The following EPS15 variants were observed in gnomAD, a reference collection of about 807,000 sequenced individuals.
The protein encoded by EPS15 is epidermal growth factor receptor pathway substrate 15.
Under a neutral mutation model 113.8 loss-of-function variants are expected in EPS15, and 72 were observed. The observed-to-expected ratio is 0.63, with a 90% CI of 0.52 to 0.77. EPS15 has a LOEUF of 0.77. Ranked by LOEUF, EPS15 falls within the 30% of genes least tolerant of loss-of-function variation. The pLI is 0.00. For synonymous variants in EPS15, 344 were observed against 363.4 expected, an observed-to-expected ratio of 0.95 and a Z score of 0.61; for missense variants, 1,048 against 1,045.8, an observed-to-expected ratio of 1.00 and a Z score of -0.03.
intron 21 of EPS15, among the ~76,000 whole-genome samples, chr1:51,383,420 T>C (rs917864769): frequency 5.3e-5 from 8 of 152,142 alleles, no homozygotes; most frequent in Middle Eastern, 3.2e-3. Context: ...TGGAAGACAA[T>C]TTTTTTAGGA....
In EPS15 at chr1:51,398,961, T is replaced by G. The variant is rs372939796; in HGVS notation, c.2052+71A>C. The G allele has an allele frequency of 4.0e-4, 532 of 1,323,660 alleles. 4 individuals carry two copies. The South Asian group carries it at 4.1e-3, about 10-fold the overall frequency. The allele number at this position is 1,323,660 out of a possible 1,614,324, so 82.0% of individuals were successfully genotyped here. A position where few individuals can be genotyped will look rare whatever the true frequency, so the allele number is the denominator to read the frequency against. ...CTAAATGAGGGTTCTTTCATCACTA[T>G]GTATTTCAAGAAACTTGCTTAGGAC... On this transcript the variant is annotated intron_variant, in intron 20 of 24. Transcript: ENST00000371733.
In EPS15 at chr1:51,392,314, A is replaced by C. The variant is rs148843458; in HGVS notation, c.2119+2067T>G. ...TCTAACGTAGTTGTTGTGAGAATTAAATGGGACCAAGTAGAGAAAAATGAT... is the reference window on the plus strand; with the variant it reads ...TCTAACGTAGTTGTTGTGAGAATTACATGGGACCAAGTAGAGAAAAATGAT... On this transcript the variant is annotated intron_variant, in intron 21 of 24. Transcript: ENST00000371733. Among the ~76,000 whole-genome samples the C allele has an allele frequency of 5.5e-3, 845 of 152,334 alleles. 3 individuals are homozygous for C. The highest frequency in any genetic ancestry group is 9.5e-3 in the Non-Finnish European group (647 of 68,016).
At chr1:51,466,576 T>C (rs969287193) in intron 5 of EPS15, among the ~76,000 whole-genome samples, 1 of 151,292 alleles carries the variant, frequency 6.6e-6, no homozygotes, top group Non-Finnish European at 1.5e-5. Flanking sequence ...AGAGCTGAGA[T>C]TGCACCACTA....
At chr1:51,380,465 C>A (rs1367007736) in intron 21 of EPS15, among the ~76,000 whole-genome samples, 2 of 151,992 alleles carry the variant, frequency 1.3e-5, no homozygotes, top group East Asian at 1.9e-4. Context: ...TTGGATCCAA[C>A]TGAAATTAAA....
chr1:51,370,554 T>C lies in EPS15; in HGVS notation c.2120-4525A>G, dbSNP rs1274842693. ...TTGATAATAATAATAAACAACTATGTTACTGGTTTACATATTTACTATACT... is the reference window on the plus strand; with the variant it reads ...TTGATAATAATAATAAACAACTATGCTACTGGTTTACATATTTACTATACT... On this transcript the variant is annotated intron_variant, in intron 21 of 24. Transcript: ENST00000371733. Among the ~76,000 whole-genome samples, 9 of 152,068 alleles carry C rather than the reference T, an allele frequency of 5.9e-5. No homozygotes were observed. In the East Asian group the frequency reaches 1.5e-3, roughly 26 times the overall value.
chr1:51,430,291 G>A (rs1345892191), intron 12 of EPS15, among the ~76,000 whole-genome samples: 2 of 152,010 alleles, frequency 1.3e-5, no homozygotes, highest in Admixed American at 1.3e-4. Context: ...GTTCATGGCC[G>A]GGTGCAGTGG....
intron 11 of EPS15, among the ~76,000 whole-genome samples, 185 bp downstream of exon 11, chr1:51,444,704 G>A (rs1308414765): frequency 6.6e-6 from 1 of 152,118 alleles, no homozygotes; most frequent in Admixed American, 6.5e-5. Flanking sequence ...CAAGCTACTG[G>A]CCAAGGATGT....
At chr1:51,390,959 A>G (rs1200893659) in intron 21 of EPS15, among the ~76,000 whole-genome samples, 1 of 152,216 alleles carries the variant, frequency 6.6e-6, no homozygotes, top group African/African-American at 2.4e-5. Flanking sequence ...CCATCCCATT[A>G]CTGGGTATAT....
rs1646225520 is a variant in EPS15, at chr1:51,356,742, T to C, written c.2649A>G (p.Glu883=). ...CAGATTTGCTGAGTGCAATAGCCAG[T>C]TCTAAGTCTTCTTGTTCCTGCTGAT... The part of the protein sequence containing the change: ...RLNQQEQEDL[E]LAIALSKSEI... The change falls in exon 25 of 25, where the codon GAA becomes GAG. Residue 883 remains glutamate, a synonymous_variant. Transcript: ENST00000371733. 6.2e-7 allele frequency: 1 copy of C among 1,613,934 alleles called. No individual in the cohort carries two copies. Among genetic ancestry groups the C allele is most frequent in the Non-Finnish European group, 8.5e-7 (1 of 1,179,938 alleles).
chr1:51,402,539 T>G lies in EPS15; in HGVS notation c.1792-14A>C. The G allele has an allele frequency of 7.4e-7, 1 of 1,352,218 alleles. No individual in the cohort carries two copies. The highest frequency in any genetic ancestry group is 1.0e-6 in the Non-Finnish European group (1 of 973,958). The allele number at this position is 1,352,218 out of a possible 1,614,324, so 83.8% of individuals were successfully genotyped here. On this transcript the variant is annotated splice_polypyrimidine_tract_variant and intron_variant, in intron 17 of 24. Transcript: ENST00000371733. ...AAATGGATCTTCCTAAAAATAATTTTAAATTAAAATTATTTTTTAGAAACC... is the reference window on the plus strand; with the variant it reads ...AAATGGATCTTCCTAAAAATAATTTGAAATTAAAATTATTTTTTAGAAACC...
chr1:51,508,316 GAGAA>G lies in EPS15; in HGVS notation c.33+10879_33+10882del, dbSNP rs774438149. ...AGAGAGAGAGAGAAAGAGAGAAAGA[GAGAA>G]AGAGAGAAAGAGAAAGAGAGAAAGA... On this transcript the variant is annotated intron_variant, in intron 1 of 24. Coordinates refer to ENST00000371733, the MANE Select transcript of EPS15 (RefSeq NM_001981.3). Among the ~76,000 whole-genome samples the G allele has an allele frequency of 1.5e-3, 188 of 124,102 alleles. 4 individuals carry two copies. The highest frequency in any genetic ancestry group is 5.8e-3 in the African/African-American group (170 of 29,178). 81.4% of individuals were successfully genotyped at this position (124,102 alleles called of 152,430 possible).
At chr1:51,440,228 A>C in intron 12 of EPS15, 119 bp downstream of exon 12, 1 of 423,388 alleles carries the variant, frequency 2.4e-6, no homozygotes, top group Non-Finnish European at 4.2e-6. Context: ...TATACATTAG[A>C]AACAGAAAGG....
chr1:51,392,983 T>G (rs1264913235), intron 21 of EPS15, among the ~76,000 whole-genome samples: 1 of 152,242 alleles, frequency 6.6e-6, no homozygotes, highest in African/African-American at 2.4e-5. Flanking sequence ...AATATGTAAT[T>G]TAACCACTGT....
chr1:51,389,051 T>C (rs1262924827), intron 21 of EPS15, among the ~76,000 whole-genome samples: 1 of 152,206 alleles, frequency 6.6e-6, no homozygotes, highest in Non-Finnish European at 1.5e-5. Context: ...TTGATGAACA[T>C]TGATGCAAAA....
chr1:51,464,762 A>G (rs982585143), intron 6 of EPS15, among the ~76,000 whole-genome samples: 1 of 152,212 alleles, frequency 6.6e-6, no homozygotes, highest in Non-Finnish European at 1.5e-5. Context: ...ACAAATAAAA[A>G]TGGTTTTCAA....
At chr1:51,421,724 T>C (rs530059135) in intron 13 of EPS15, 62 bp downstream of exon 13, 3 of 999,932 alleles carry the variant, frequency 3.0e-6, no homozygotes, top group East Asian at 5.2e-5. Context: ...TAAATAACCA[T>C]ATAAATTTAA....
chr1:51,399,792 G>A (rs551170845), intron 19 of EPS15, among the ~76,000 whole-genome samples: 1 of 152,192 alleles, frequency 6.6e-6, no homozygotes, highest in African/African-American at 2.4e-5. Flanking sequence ...AGCATGGGAG[G>A]CGGAGGTTGC....
intron 21 of EPS15, among the ~76,000 whole-genome samples, chr1:51,384,752 T>A (rs572822622): frequency 6.6e-6 from 1 of 152,118 alleles, no homozygotes; most frequent in South Asian, 2.1e-4. Flanking sequence ...ACAAACCATA[T>A]AGATCAATGG....
chr1:51,412,713 G>T (rs1019129985), intron 13 of EPS15, among the ~76,000 whole-genome samples: 1 of 152,156 alleles, frequency 6.6e-6, no homozygotes, highest in African/African-American at 2.4e-5. Flanking sequence ...TGCCAAAAGA[G>T]AAAAATGACT....
Sources: allele counts gnomAD v4.1 joint callset (sites outside exome capture counted in the v4.1 genomes callset), GRCh38; gene constraint gnomAD v4.1.1; transcripts MANE v1.5; gene names NCBI Gene and HGNC (gene_info 2026-07-23, HGNC 2026-07-21).